SNX13: variants seen among roughly 807,000 people sequenced by gnomAD.
The protein encoded by SNX13 is sorting nexin-13.
In SNX13, 45 loss-of-function variants were observed where a neutral mutation model predicts 133.6. The observed-to-expected ratio is 0.34, with a 90% CI of 0.27 to 0.43. The LOEUF is 0.43. Among genes scored for constraint, SNX13 ranks in the 20% least tolerant of loss-of-function variants. The pLI is 1.00. For synonymous variants in SNX13, 414 were observed against 373.9 expected, an observed-to-expected ratio of 1.11 and a Z score of -1.24; for missense variants, 1,032 against 1,145.1, an observed-to-expected ratio of 0.90 and a Z score of 1.43.
chr7:17,834,754 A>G lies in SNX13; in HGVS notation c.1464+7T>C, dbSNP rs754901960. ...GATAAAATGATAAATGCTGTACATA[A>G]TAATACCTTTCTTTGAATGTCATCA... On this transcript the variant is annotated splice_region_variant and intron_variant, in intron 14 of 25. Coordinates refer to ENST00000428135, the MANE Select transcript of SNX13 (RefSeq NM_015132.5). The G allele has an allele frequency of 5.1e-6, 8 of 1,553,450 alleles. No homozygotes were observed. The highest frequency in any genetic ancestry group is 2.7e-5 in the African/African-American group (2 of 73,462).
At chr7:17,906,409 G>A (rs1213947402) in intron 1 of SNX13, among the ~76,000 whole-genome samples, 1 of 151,446 alleles carries the variant, frequency 6.6e-6, no homozygotes, top group Non-Finnish European at 1.5e-5. Context: ...AAACCTTAAG[G>A]GAAACTATAA....
chr7:17,908,021 C>G (rs972824856), intron 1 of SNX13, among the ~76,000 whole-genome samples: 1 of 152,144 alleles, frequency 6.6e-6, no homozygotes, highest in Non-Finnish European at 1.5e-5. Context: ...ACGCTCCTAC[C>G]TGAATTTGTC....
chr7:17,903,074 G>C (rs1005378132), intron 1 of SNX13, among the ~76,000 whole-genome samples: 1 of 152,094 alleles, frequency 6.6e-6, no homozygotes, highest in Non-Finnish European at 1.5e-5. Flanking sequence ...CTTTAATATA[G>C]TACCATTTTC....
At chr7:17,801,765 G>A in intron 21 of SNX13, 106 bp from the exon 22 acceptor site, 7 of 787,690 alleles carry the variant, frequency 8.9e-6, no homozygotes, top group South Asian at 2.2e-5. Context: ...TCTGACTTTT[G>A]GTACAATATA....
chr7:17,891,889 G>A (rs1461124839), intron 3 of SNX13, among the ~76,000 whole-genome samples: 1 of 151,970 alleles, frequency 6.6e-6, no homozygotes, highest in African/African-American at 2.4e-5. Flanking sequence ...CAAATGTACA[G>A]GTATGCTGCT....
intron 1 of SNX13, among the ~76,000 whole-genome samples, chr7:17,924,693 T>C (rs1157448090): frequency 6.6e-6 from 1 of 152,130 alleles, no homozygotes. Flanking sequence ...GCATTATTTG[T>C]AATGACCAAA....
chr7:17,862,792 G>A (rs1277069798), intron 9 of SNX13, among the ~76,000 whole-genome samples: 1 of 152,082 alleles, frequency 6.6e-6, no homozygotes, highest in East Asian at 1.9e-4. Flanking sequence ...GCCGAGCAAG[G>A]TGGCCAAGTA....
intron 20 of SNX13, among the ~76,000 whole-genome samples, chr7:17,806,442 G>A (rs535881655): frequency 6.6e-5 from 10 of 152,080 alleles, no homozygotes; most frequent in African/African-American, 2.4e-4. Context: ...TATAATTAAG[G>A]AAAAAAATAT....
At chr7:17,913,112 T>A (rs1217512234) in intron 1 of SNX13, among the ~76,000 whole-genome samples, 2 of 152,160 alleles carry the variant, frequency 1.3e-5, no homozygotes, top group Non-Finnish European at 2.9e-5. Context: ...TCCACTCCCA[T>A]GGAGATCTAA....
chr7:17,831,866 T>G, intron 15 of SNX13: 3 of 984,272 alleles, frequency 3.0e-6, no homozygotes, highest in Non-Finnish European at 3.6e-6. Flanking sequence ...TTGAGAAAGG[T>G]AAACCAGTGG....
chr7:17,900,206 G>A (rs1433672690), intron 1 of SNX13: 2 of 152,250 alleles, frequency 1.3e-5, no homozygotes, highest in Non-Finnish European at 2.9e-5. Context: ...GCTGGGAGAG[G>A]GGTGACACAA....
At chr7:17,836,447 G>A (rs1379304730) in intron 13 of SNX13, among the ~76,000 whole-genome samples, 2 of 152,066 alleles carry the variant, frequency 1.3e-5, no homozygotes, top group Non-Finnish European at 2.9e-5. Context: ...AACCTGGGAT[G>A]CAAAGGGTGC....
At chr7:17,939,790 G>A (rs924924816) in intron 1 of SNX13, among the ~76,000 whole-genome samples, 4 of 152,194 alleles carry the variant, frequency 2.6e-5, no homozygotes, top group Non-Finnish European at 5.9e-5. Flanking sequence ...TCCACTTCAT[G>A]AAGCAGTCAA....
At chr7:17,911,365 G>A (rs544289227) in intron 1 of SNX13, among the ~76,000 whole-genome samples, 48 of 152,284 alleles carry the variant, frequency 3.2e-4, no homozygotes, top group African/African-American at 1.1e-3. Flanking sequence ...TTGCCGGGGC[G>A]CAGTGATTCA....
At chr7:17,820,713 G>A (rs886279896) in intron 18 of SNX13, among the ~76,000 whole-genome samples, 10 of 152,000 alleles carry the variant, frequency 6.6e-5, no homozygotes, top group African/African-American at 1.9e-4. Context: ...GTAGTACAAC[G>A]TCATTTCAAA....
At chr7:17,866,026 C>A (rs1231156045) in intron 9 of SNX13, among the ~76,000 whole-genome samples, 1 of 152,078 alleles carries the variant, frequency 6.6e-6, no homozygotes, top group Non-Finnish European at 1.5e-5. Context: ...AGATGTGAAA[C>A]TATAAAACTA....
At chr7:17,796,775 A>C in intron 25 of SNX13, 52 bp downstream of exon 25, 1 of 1,351,618 alleles carries the variant, frequency 7.4e-7, no homozygotes, top group South Asian at 1.2e-5. Flanking sequence ...AATGCTAAAA[A>C]CTCAGAAGAA....
intron 1 of SNX13, among the ~76,000 whole-genome samples, chr7:17,916,499 C>T (rs1186483345): frequency 2.0e-5 from 3 of 151,972 alleles, no homozygotes; most frequent in African/African-American, 7.3e-5. Flanking sequence ...AAGAGAAACA[C>T]AAAAGATCCT....
intron 19 of SNX13, among the ~76,000 whole-genome samples, chr7:17,815,403 C>A (rs1045203686): frequency 2.0e-5 from 3 of 151,974 alleles, no homozygotes; most frequent in African/African-American, 7.3e-5. Context: ...GGCAACAAAG[C>A]AAAACCCCAT....
Sources: gnomAD v4.1 joint callset for allele counts (sites outside exome capture counted in the v4.1 genomes callset) on GRCh38, gnomAD v4.1.1 for gene constraint, MANE v1.5 for transcripts, NCBI Gene and HGNC (gene_info 2026-07-23, HGNC 2026-07-21) for gene names.